The following THSD7A variants were observed in gnomAD, a reference collection of about 807,000 sequenced individuals.
The protein encoded by THSD7A is thrombospondin type-1 domain-containing protein 7A.
A neutral mutation model predicts 231.3 loss-of-function variants in THSD7A; 96 were observed. The observed-to-expected ratio is 0.41, with a 90% CI of 0.35 to 0.49. THSD7A has a LOEUF of 0.49. Ranked by LOEUF, THSD7A falls within the 20% of genes least tolerant of loss-of-function variation. The pLI is 0.05. For missense variants in THSD7A, 2,290 were observed against 2,070.2 expected, an observed-to-expected ratio of 1.11 and a Z score of -2.06; for synonymous variants, 940 against 743.3, an observed-to-expected ratio of 1.26 and a Z score of -4.30.
chr7:11,764,322 C>T lies in THSD7A; in HGVS notation c.190+67435G>A, dbSNP rs1476786147. On this transcript the variant is annotated intron_variant, in intron 1 of 27. Coordinates refer to ENST00000423059, the MANE Select transcript of THSD7A (RefSeq NM_015204.3). ...AAAGACCGGGCATGGTGGCTCATGCCTGTGATCCCAGCACTTTGGGAGGCC... is the reference window on the plus strand; with the variant it reads ...AAAGACCGGGCATGGTGGCTCATGCTTGTGATCCCAGCACTTTGGGAGGCC... Among the ~76,000 whole-genome samples the T allele has an allele frequency of 3.3e-5, 5 of 152,154 alleles. No individual in the cohort carries two copies. The East Asian group carries it at 9.6e-4, about 29-fold the overall frequency.
intron 1 of THSD7A, among the ~76,000 whole-genome samples, chr7:11,723,241 C>T (rs148421658): frequency 0.016 from 2,388 of 149,800 alleles, 60 homozygotes; most frequent in African/African-American, 0.055. Flanking sequence ...AACCAAACAC[C>T]GCATGTCCTC....
At position 11,568,104 on chromosome 7, in the gene THSD7A, A is replaced by T. The variant is rs189342013; in HGVS notation, c.1453+22356T>A. Among the ~76,000 whole-genome samples the T allele has an allele frequency of 2.5e-3, 383 of 152,316 alleles. 1 individual carries two copies. The highest frequency in any genetic ancestry group is 8.9e-3 in the African/African-American group (368 of 41,572). ...CGTGAATTTAAATAGTATTTTAAGT[A>T]TCATACTAATTACCTAATTACTTTT... On this transcript the variant is annotated intron_variant, in intron 4 of 27. Transcript: ENST00000423059.
chr7:11,438,583 A>G (rs1263124342), intron 13 of THSD7A, among the ~76,000 whole-genome samples: 1 of 152,066 alleles, frequency 6.6e-6, no homozygotes, highest in Non-Finnish European at 1.5e-5. Flanking sequence ...AAATCACTAT[A>G]TTTAAAAATT....
At chr7:11,743,526 G>C (rs1406415407) in intron 1 of THSD7A, among the ~76,000 whole-genome samples, 2 of 151,788 alleles carry the variant, frequency 1.3e-5, no homozygotes, top group African/African-American at 4.8e-5. Flanking sequence ...TCTGGTTTCA[G>C]ATTTTCTTTT....
chr7:11,445,876 G>A (rs1465461147), intron 13 of THSD7A, among the ~76,000 whole-genome samples, 185 bp downstream of exon 13: 1 of 151,884 alleles, frequency 6.6e-6, no homozygotes, highest in African/African-American at 2.4e-5. Context: ...GCCAACTTCT[G>A]GACAATGAGG....
At chr7:11,731,686 C>G (rs1583234705) in intron 1 of THSD7A, among the ~76,000 whole-genome samples, 1 of 151,680 alleles carries the variant, frequency 6.6e-6, no homozygotes. Flanking sequence ...GCAATCAATG[C>G]ACCTATAAAT....
At chr7:11,647,671 A>G (rs146341021) in intron 1 of THSD7A, among the ~76,000 whole-genome samples, 1 of 152,268 alleles carries the variant, frequency 6.6e-6, no homozygotes, top group Non-Finnish European at 1.5e-5. Context: ...TCCTCTGATT[A>G]TGATGCTGGA....
In THSD7A at chr7:11,831,766, A is replaced by G; in HGVS notation, c.181T>C (p.Trp61Arg). 1 of 1,475,068 alleles carries G rather than the reference A, an allele frequency of 6.8e-7. No individual in the cohort carries two copies. Among genetic ancestry groups the G allele is most frequent in the Non-Finnish European group, 9.0e-7 (1 of 1,110,148 alleles). The allele number at this position is 1,475,068 out of a possible 1,614,324, so 91.4% of individuals were successfully genotyped here. ...ACTCCGTCCCACTTACCAGTCTTCCACAGATAGAGGGTGGGCGCCTCCGCC... is the reference window on the plus strand; with the variant it reads ...ACTCCGTCCCACTTACCAGTCTTCCGCAGATAGAGGGTGGGCGCCTCCGCC... ...GEAEAPTLYL[W>R]KTGPWGRCMG... Residue 61 changes from tryptophan (W) to arginine (R), a missense_variant, in exon 1 of 28, where the codon TGG becomes CGG. Trp to Arg is a moderately radical substitution (Grantham distance 101). Coordinates refer to ENST00000423059, the MANE Select transcript of THSD7A (RefSeq NM_015204.3). This position sits in a 1 kb window ranked among gnomAD's most constrained non-coding sequence, Gnocchi z 5.0.
At chr7:11,802,175 A>C (rs6967705) in intron 1 of THSD7A, among the ~76,000 whole-genome samples, 94,056 of 151,836 alleles carry the variant, frequency 0.62, 29,395 homozygotes, top group Middle Eastern at 0.77. Context: ...ATCATTCAAA[A>C]TCCATCTCCT....
At chr7:11,530,942 T>A (rs1466272636) in intron 6 of THSD7A, among the ~76,000 whole-genome samples, 1 of 151,814 alleles carries the variant, frequency 6.6e-6, no homozygotes, top group East Asian at 1.9e-4. Context: ...AACTCGGAGG[T>A]GGAGGTTGCA....
In THSD7A at chr7:11,417,487, A is replaced by G. The variant is rs896625264; in HGVS notation, c.3500T>C (p.Val1167Ala). ...VCKLPCPEDC[V>A]ISEWGPWTQC... ...GGTCCATGGACCCCATTCAGATATC[A>G]CACAGTCCTCAGGGCATGGTAATTT... is the stretch of plus-strand genomic sequence containing the variant. Residue 1167 changes from valine to alanine, a missense_variant, in exon 17 of 28, where the codon GTG (valine) becomes GCG (alanine). Transcript: ENST00000423059. The G allele has an allele frequency of 6.2e-7, 1 of 1,612,198 alleles. No homozygotes were observed. The highest frequency in any genetic ancestry group is 8.5e-7 in the Non-Finnish European group (1 of 1,179,398).
chr7:11,533,527 T>A lies in THSD7A; in HGVS notation c.1822+7892A>T, dbSNP rs1490059292. ...TCAAAGATAGATTGGATAAAGAAAA[T>A]GTGGGACACATACACCATGGGATAC... is the stretch of plus-strand genomic sequence containing the variant. On this transcript the variant is annotated intron_variant, in intron 6 of 27. Coordinates refer to ENST00000423059, the MANE Select transcript of THSD7A (RefSeq NM_015204.3). 2.0e-5 allele frequency among the ~76,000 whole-genome samples: 3 copies of A among 152,166 alleles called. No homozygotes were observed. In the East Asian group the frequency reaches 5.8e-4, roughly 29 times the overall value.
At chr7:11,694,512 A>G (rs1287946026) in intron 1 of THSD7A, among the ~76,000 whole-genome samples, 1 of 151,598 alleles carries the variant, frequency 6.6e-6, no homozygotes, top group African/African-American at 2.4e-5. Context: ...TACCAATGAA[A>G]GTGCTTAAAC....
chr7:11,558,312 C>T (rs1409854965), intron 4 of THSD7A, among the ~76,000 whole-genome samples: 1 of 152,052 alleles, frequency 6.6e-6, no homozygotes, highest in East Asian at 1.9e-4. Flanking sequence ...TCTCCTTTAT[C>T]TTTTTGAAAG....
chr7:11,406,378 A>T lies in THSD7A; in HGVS notation c.4159T>A (p.Phe1387Ile). The T allele has an allele frequency of 1.9e-6, 3 of 1,613,978 alleles. No individual in the cohort carries two copies. Among genetic ancestry groups the T allele is most frequent in the Non-Finnish European group, 2.5e-6 (3 of 1,179,866 alleles). The stretch of plus-strand genomic sequence containing the variant: ...ATAATGAGTTCAATGTCAGCACAGA[A>T]TTCCTCATCCACCACTTTGCTGAAA... ...DDFSKVVDEE[F>I]CADIELIIDG... The change falls in exon 22 of 28, where the codon TTC becomes ATC. Residue 1387 changes from phenylalanine (F) to isoleucine (I), a missense_variant. By Grantham distance (21) the Phe-to-Ile change is conservative (BLOSUM62 0). Coordinates refer to ENST00000423059, the MANE Select transcript of THSD7A (RefSeq NM_015204.3). This position sits in a 1 kb window ranked among gnomAD's most constrained non-coding sequence, Gnocchi z 4.7.
At chr7:11,784,699 C>A (rs1174112899) in intron 1 of THSD7A, among the ~76,000 whole-genome samples, 1 of 152,034 alleles carries the variant, frequency 6.6e-6, no homozygotes, top group Admixed American at 6.6e-5. Flanking sequence ...TATTCTACAG[C>A]TTGGAGCCAA....
chr7:11,609,312 A>C (rs2681052), intron 2 of THSD7A, among the ~76,000 whole-genome samples: 67,924 of 151,810 alleles, frequency 0.45, 16,176 homozygotes, highest in East Asian at 0.61. Context: ...TCACTATATA[A>C]ATCTTTAAAA....
chr7:11,631,522 A>G (rs1024968663), intron 2 of THSD7A, among the ~76,000 whole-genome samples: 1 of 152,224 alleles, frequency 6.6e-6, no homozygotes, highest in Non-Finnish European at 1.5e-5. Flanking sequence ...TCATTCCACA[A>G]GTTGGAATAA....
At chr7:11,700,762 C>G (rs563633024) in intron 1 of THSD7A, among the ~76,000 whole-genome samples, 1 of 151,072 alleles carries the variant, frequency 6.6e-6, no homozygotes, top group African/African-American at 2.4e-5. Flanking sequence ...CTCTTATTGC[C>G]TTATCTATCT....
Sources: gnomAD v4.1 joint callset for allele counts (sites outside exome capture counted in the v4.1 genomes callset) on GRCh38, gnomAD v4.1.1 for gene constraint, Gnocchi (gnomAD v3.1) non-coding constraint, MANE v1.5 for transcripts, NCBI Gene and HGNC (gene_info 2026-07-23, HGNC 2026-07-21) for gene names.